The following NRG3 variants were observed in gnomAD, a reference collection of about 807,000 sequenced individuals.
NRG3 encodes neuregulin 3, also known as pro-neuregulin-3, membrane-bound isoform.
Under a neutral mutation model 66.9 loss-of-function variants are expected in NRG3, and 31 were observed. The observed-to-expected ratio is 0.46, with a 90% CI of 0.35 to 0.63. The LOEUF is 0.63. Ranked by LOEUF, NRG3 falls within the 20% of genes least tolerant of loss-of-function variation. The pLI, the probability that NRG3 is intolerant of heterozygous loss-of-function variation, is 0.00. For missense variants in NRG3, 910 were observed against 878.9 expected (o/e 1.04, Z -0.45); for synonymous variants, 393 against 359.4 (o/e 1.09, Z -1.06).
intron 1 of NRG3, among the ~76,000 whole-genome samples, chr10:81,980,804 C>T (rs1026608983): frequency 2.0e-5 from 3 of 152,202 alleles, no homozygotes; most frequent in Non-Finnish European, 4.4e-5. Context: ...TCTGGCTTGG[C>T]CTGCAGATGG....
intron 1 of NRG3, among the ~76,000 whole-genome samples, chr10:82,307,701 G>C (rs879428416): frequency 8.6e-5 from 13 of 151,118 alleles, no homozygotes; most frequent in Non-Finnish European, 1.6e-4. Flanking sequence ...TATTAGGTTG[G>C]TGCAAAAGTA....
intron 1 of NRG3, among the ~76,000 whole-genome samples, chr10:82,133,073 CTTTA>C (rs2132536692): frequency 1.3e-5 from 2 of 151,336 alleles, no homozygotes; most frequent in East Asian, 3.9e-4. Flanking sequence ...CTGCTATATT[CTTTA>C]TTATTTCTTT....
intron 2 of NRG3, among the ~76,000 whole-genome samples, chr10:82,709,768 G>C (rs369697862): frequency 1.3e-5 from 2 of 152,136 alleles, no homozygotes; most frequent in Admixed American, 6.6e-5. Flanking sequence ...ATCACTTTCA[G>C]CCCTCTGTTT....
intron 1 of NRG3, among the ~76,000 whole-genome samples, chr10:82,012,701 CTAAATTAT>C (rs1255491734): frequency 6.6e-6 from 1 of 152,136 alleles, no homozygotes; most frequent in Non-Finnish European, 1.5e-5. Context: ...ACCAGATACC[CTAAATTAT>C]ATCTTTCAAG....
intron 4 of NRG3, among the ~76,000 whole-genome samples, chr10:82,903,256 T>G (rs925891946): frequency 6.6e-6 from 1 of 152,186 alleles, no homozygotes; most frequent in East Asian, 1.9e-4. Context: ...AGCCCAAATG[T>G]TGAGCGTGTT....
At position 81,936,472 on chromosome 10, in the gene NRG3, G is replaced by T. The variant is rs188056963; in HGVS notation, c.823+60309G>T. Reference sequence around the variant, plus strand: ...GTTTTATGACTGTATTCTGATAACTGTGAAAGATGGATGGGAGGGAAGCAG... The same window carrying T: ...GTTTTATGACTGTATTCTGATAACTTTGAAAGATGGATGGGAGGGAAGCAG... On this transcript the variant is annotated intron_variant, in intron 1 of 8. Transcript: ENST00000372141. 2.3e-3 allele frequency among the ~76,000 whole-genome samples: 344 copies of T among 152,202 alleles called. 3 individuals are homozygous for T. The highest frequency in any genetic ancestry group is 7.5e-3 in the African/African-American group (313 of 41,530).
chr10:82,370,455 T>G (rs1015427894), intron 2 of NRG3, among the ~76,000 whole-genome samples: 1 of 138,248 alleles, frequency 7.2e-6, no homozygotes, highest in Non-Finnish European at 1.5e-5. Context: ...GAGCTTGTGG[T>G]TCAGGGTTTA....
intron 2 of NRG3, among the ~76,000 whole-genome samples, chr10:82,399,137 T>A (rs1483253476): frequency 6.6e-6 from 1 of 152,118 alleles, no homozygotes; most frequent in African/African-American, 2.4e-5. Context: ...TAAATTAGAA[T>A]CATGATAATT....
chr10:82,387,293 A>G (rs2086063933), intron 2 of NRG3, among the ~76,000 whole-genome samples: 1 of 152,020 alleles, frequency 6.6e-6, no homozygotes. Flanking sequence ...TATGCTTTTA[A>G]TTCCAATCCG....
intron 1 of NRG3, among the ~76,000 whole-genome samples, chr10:81,982,563 T>A (rs1738482152): frequency 1.3e-5 from 2 of 152,204 alleles, no homozygotes; most frequent in African/African-American, 4.8e-5. Context: ...TTTCTCATGG[T>A]TAGGAGACTA....
chr10:82,982,913 C>T (rs1853072781), intron 8 of NRG3, among the ~76,000 whole-genome samples: 1 of 152,184 alleles, frequency 6.6e-6, no homozygotes, highest in African/African-American at 2.4e-5. Flanking sequence ...CACTGCAATT[C>T]CTCTTTCTCA....
chr10:82,835,052 A>C (rs553936236), intron 3 of NRG3, among the ~76,000 whole-genome samples: 4 of 152,208 alleles, frequency 2.6e-5, no homozygotes, highest in Non-Finnish European at 5.9e-5. Context: ...TCAAGAAGCT[A>C]TCTTGACCTG....
chr10:81,885,429 C>G (rs568308307), intron 1 of NRG3, among the ~76,000 whole-genome samples: 1 of 152,206 alleles, frequency 6.6e-6, no homozygotes, highest in South Asian at 2.1e-4. Context: ...AGCCACACTG[C>G]GAAGTACCCA....
intron 1 of NRG3, among the ~76,000 whole-genome samples, chr10:82,063,189 A>G (rs1232394730): frequency 6.6e-6 from 1 of 152,170 alleles, no homozygotes; most frequent in Non-Finnish European, 1.5e-5. Context: ...TCTTTTGATG[A>G]GAGTATTCAT....
At chr10:82,616,400 C>G (rs1320140079) in intron 2 of NRG3, among the ~76,000 whole-genome samples, 1 of 152,160 alleles carries the variant, frequency 6.6e-6, no homozygotes, top group Non-Finnish European at 1.5e-5. Context: ...ACATTAAACT[C>G]ATTTACTCAT....
intron 2 of NRG3, among the ~76,000 whole-genome samples, chr10:82,685,426 G>A (rs1454808909): frequency 2.0e-5 from 3 of 152,142 alleles, no homozygotes; most frequent in Non-Finnish European, 4.4e-5. Context: ...CTCTTGGTCT[G>A]GAGGCCTGAC....
At chr10:81,914,769 C>CAAAAAAAAAAAA (rs58460918) in intron 1 of NRG3, among the ~76,000 whole-genome samples, 65 of 67,136 alleles carry the variant, frequency 9.7e-4, no homozygotes, top group East Asian at 1.7e-3. Context: ...AAACAGAAAG[C>CAAAAAAAAAAAA]AAAAAAAAAA....
chr10:82,792,655 T>C (rs947940921), intron 3 of NRG3, among the ~76,000 whole-genome samples: 1 of 152,004 alleles, frequency 6.6e-6, no homozygotes, highest in African/African-American at 2.4e-5. Context: ...ATTTAATTAT[T>C]TTTTTATTTT....
At chr10:82,341,089 C>T (rs1274537535) in intron 1 of NRG3, among the ~76,000 whole-genome samples, 3 of 152,106 alleles carry the variant, frequency 2.0e-5, no homozygotes, top group African/African-American at 7.2e-5. Flanking sequence ...CAAAGCATCT[C>T]ATGTACCCCA....
Sources: gnomAD v4.1 joint callset for allele counts (sites outside exome capture counted in the v4.1 genomes callset) on GRCh38, gnomAD v4.1.1 for gene constraint, MANE v1.5 for transcripts, NCBI Gene and HGNC (gene_info 2026-07-23, HGNC 2026-07-21) for gene names.